The following STAC variants were observed in gnomAD, a reference collection of about 807,000 sequenced individuals.
The protein encoded by STAC is SH3 and cysteine rich domain, also known as SH3 and cysteine-rich domain-containing protein.
STAC carries 43 observed loss-of-function variants against 48.8 expected under a neutral mutation model. The observed-to-expected ratio is 0.88, with a 90% confidence interval of 0.69 to 1.14. The LOEUF is 1.14. STAC is among the 50% of genes most tolerant of loss of function. The probability of loss-of-function intolerance (pLI) is 0.00; values close to 1 mark genes in which losing one functional copy is unlikely to be tolerated. For missense variants in STAC, 497 were observed against 504.0 expected, an observed-to-expected ratio of 0.99 and a Z score of 0.13; for synonymous variants, 193 against 179.5, an observed-to-expected ratio of 1.07 and a Z score of -0.60.
At chr3:36,467,509 T>C (rs1424014597) in intron 2 of STAC, among the ~76,000 whole-genome samples, 1 of 152,172 alleles carries the variant, frequency 6.6e-6, no homozygotes, top group Non-Finnish European at 1.5e-5. Context: ...TGTTGCCATT[T>C]CAGTCTCACT....
intron 2 of STAC, among the ~76,000 whole-genome samples, chr3:36,465,143 T>G (rs2125687032): frequency 6.6e-6 from 1 of 152,364 alleles, no homozygotes; most frequent in East Asian, 1.9e-4. Flanking sequence ...AATGTTTTTA[T>G]TATGACCATT....
At chr3:36,466,455 A>C (rs999950140) in intron 2 of STAC, among the ~76,000 whole-genome samples, 6 of 152,138 alleles carry the variant, frequency 3.9e-5, no homozygotes, top group African/African-American at 9.7e-5. Context: ...TTGGTATTTT[A>C]ATGGGAATTG....
intron 8 of STAC, among the ~76,000 whole-genome samples, chr3:36,515,813 T>TAA (rs376494112): frequency 1.6e-3 from 249 of 151,924 alleles, no homozygotes; most frequent in African/African-American, 5.6e-3. Context: ...TGTTTTAGGG[T>TAA]AGAGTTTGGG....
chr3:36,426,481 G>T (rs1012467221), intron 1 of STAC, among the ~76,000 whole-genome samples: 1 of 152,218 alleles, frequency 6.6e-6, no homozygotes, highest in African/African-American at 2.4e-5. Context: ...GTATACTGCA[G>T]TGGTTTGAAA....
intron 2 of STAC, among the ~76,000 whole-genome samples, chr3:36,464,045 T>G (rs113127579): frequency 0.057 from 8,716 of 152,102 alleles, 330 homozygotes; most frequent in African/African-American, 0.1. Flanking sequence ...GTAATGGGAT[T>G]GCTGGGTCAA....
At chr3:36,472,139 A>G (rs1333670202) in intron 2 of STAC, among the ~76,000 whole-genome samples, 1 of 152,214 alleles carries the variant, frequency 6.6e-6, no homozygotes, top group Non-Finnish European at 1.5e-5. Context: ...ACTTCTGTGC[A>G]CCCACAGGCT....
chr3:36,398,367 G>A (rs200920880), intron 1 of STAC, among the ~76,000 whole-genome samples: 1,718 of 83,536 alleles, frequency 0.021, 81 homozygotes, highest in East Asian at 0.069. Context: ...AAGAAAGAAA[G>A]AAAAGAAAGA....
At chr3:36,539,303 G>A (rs1415553263) in intron 10 of STAC, among the ~76,000 whole-genome samples, 1 of 151,948 alleles carries the variant, frequency 6.6e-6, no homozygotes, top group Non-Finnish European at 1.5e-5. Flanking sequence ...TCCTCACCTA[G>A]GTATTAAGCC....
intron 2 of STAC, among the ~76,000 whole-genome samples, chr3:36,452,413 T>G (rs1454007611): frequency 6.6e-6 from 1 of 152,232 alleles, no homozygotes; most frequent in Non-Finnish European, 1.5e-5. Context: ...TGCAGTCACA[T>G]AGACTGGCAC....
intron 1 of STAC, among the ~76,000 whole-genome samples, chr3:36,392,183 A>C (rs1431160876): frequency 6.6e-6 from 1 of 152,164 alleles, no homozygotes; most frequent in Non-Finnish European, 1.5e-5. Context: ...CTCTCTGAAC[A>C]TATCTGTACA....
At chr3:36,434,111 A>T (rs1700770528) in intron 1 of STAC, among the ~76,000 whole-genome samples, 2 of 152,222 alleles carry the variant, frequency 1.3e-5, no homozygotes, top group African/African-American at 4.8e-5. Flanking sequence ...GTAAAATGTT[A>T]GAGGTGAATG....
At chr3:36,488,739 T>C (rs1223211616) in intron 5 of STAC, among the ~76,000 whole-genome samples, 2 of 152,200 alleles carry the variant, frequency 1.3e-5, no homozygotes, top group African/African-American at 2.4e-5. Context: ...TACTAGAGGT[T>C]TGAACCTCAT....
rs1699438460 is a variant in STAC, at chr3:36,546,130, GT to G, written c.1111-59del. The G allele has an allele frequency of 2.8e-6, 4 of 1,428,230 alleles. No individual in the cohort carries two copies. In the Admixed American group the frequency reaches 6.8e-5, roughly 24 times the overall value. 88.5% of individuals were successfully genotyped at this position (1,428,230 alleles called of 1,614,324 possible). A position where few individuals can be genotyped will look rare whatever the true frequency, so the allele number is the denominator to read the frequency against. Reference sequence around the variant, plus strand: ...CAGTCAGCAGGGATTCAAGCTGCAGGTTCTAACTTCGTTCTTGCTGACAGTA... The same window carrying G: ...CAGTCAGCAGGGATTCAAGCTGCAGGTCTAACTTCGTTCTTGCTGACAGTA... On this transcript the variant is annotated intron_variant, in intron 10 of 10. Transcript: ENST00000273183.
intron 1 of STAC, among the ~76,000 whole-genome samples, chr3:36,416,516 T>A (rs1243709242): frequency 6.6e-6 from 1 of 152,188 alleles, no homozygotes; most frequent in African/African-American, 2.4e-5. Context: ...TAAAACATTT[T>A]AATCATCTGC....
At chr3:36,535,916 G>T (rs1316442979) in intron 10 of STAC, among the ~76,000 whole-genome samples, 1 of 152,146 alleles carries the variant, frequency 6.6e-6, no homozygotes, top group Non-Finnish European at 1.5e-5. Flanking sequence ...CAGGGATATT[G>T]GCCTGAAGTT....
intron 8 of STAC, among the ~76,000 whole-genome samples, chr3:36,512,393 T>C (rs1575252445): frequency 6.6e-6 from 1 of 152,150 alleles, no homozygotes; most frequent in East Asian, 1.9e-4. Context: ...AAGGGTGGCA[T>C]ATATTTACTT....
At chr3:36,410,576 A>G (rs73830307) in intron 1 of STAC, among the ~76,000 whole-genome samples, 3,538 of 152,262 alleles carry the variant, frequency 0.023, 61 homozygotes, top group East Asian at 0.026. Context: ...TGCTGACTGT[A>G]TTTATATGCG....
chr3:36,495,162 T>C (rs1019295740), intron 6 of STAC, among the ~76,000 whole-genome samples: 2 of 152,186 alleles, frequency 1.3e-5, no homozygotes, highest in African/African-American at 4.8e-5. Flanking sequence ...TTCAATCACC[T>C]CATCTCTAAA....
intron 5 of STAC, among the ~76,000 whole-genome samples, chr3:36,491,152 A>C (rs1012952740): frequency 6.6e-6 from 1 of 151,324 alleles, no homozygotes; most frequent in African/African-American, 2.4e-5. Flanking sequence ...AGCATCCTGC[A>C]TTTTTTATTT....
Sources: gnomAD v4.1 joint callset for allele counts (sites outside exome capture counted in the v4.1 genomes callset) on GRCh38, gnomAD v4.1.1 for gene constraint, MANE v1.5 for transcripts, NCBI Gene and HGNC (gene_info 2026-07-23, HGNC 2026-07-21) for gene names.